The following SRRM1 variants were observed in gnomAD, a reference collection of about 807,000 sequenced individuals.
SRRM1 encodes the protein serine and arginine repetitive matrix 1, also known as serine/arginine repetitive matrix protein 1.
SRRM1 carries 19 observed loss-of-function variants against 110.2 expected under a neutral mutation model. The observed-to-expected ratio is 0.17, with a 90% CI of 0.12 to 0.25. SRRM1 has a LOEUF of 0.25. Ranked by LOEUF, SRRM1 falls within the 10% of genes least tolerant of loss-of-function variation. The pLI is 1.00. For synonymous variants in SRRM1, 443 were observed against 414.9 expected (o/e 1.07, Z -0.82); for missense variants, 918 against 1,145.8 (o/e 0.80, Z 2.87).
At chr1:24,645,929 A>C (rs374176521) in intron 1 of SRRM1, 55 bp from the exon 2 acceptor site, 1 of 1,483,900 alleles carries the variant, frequency 6.7e-7, no homozygotes, top group African/African-American at 1.4e-5. Context: ...GTAGGTGATA[A>C]AAAGTAAGGA....
Position 24,664,831 on chromosome 1 carries a change from A to G in SRRM1, c.1629-1984A>G, listed in dbSNP as rs531674083. Among the ~76,000 whole-genome samples the G allele has an allele frequency of 1.2e-4, 19 of 152,300 alleles. No individual in the cohort carries two copies. The East Asian group carries it at 2.5e-3, about 20-fold the overall frequency. ...AGCACAGCAACTAAACAATTGCTTTACAGAGTTAGATTAGTGGTGCAATTT... is the reference window on the plus strand; with the variant it reads ...AGCACAGCAACTAAACAATTGCTTTGCAGAGTTAGATTAGTGGTGCAATTT... On this transcript the variant is annotated intron_variant, in intron 12 of 16. Transcript: ENST00000323848.
rs752493708 is a variant in SRRM1 at position 24,670,240 on chromosome 1, A to T, written c.2325A>T (p.Ser775=). The T allele has an allele frequency of 6.2e-7, 1 of 1,614,042 alleles. No individual in the cohort carries two copies. Among genetic ancestry groups the T allele is most frequent in the Non-Finnish European group, 8.5e-7 (1 of 1,180,010 alleles). The change falls in exon 15 of 17, where the codon TCA becomes TCT. Residue 775 remains serine, a synonymous_variant. Coordinates refer to ENST00000323848, the MANE Select transcript of SRRM1 (RefSeq NM_005839.4). ...CTCCATCCCCCGTCCAGTCTCAGTC[A>T]CCGTCTACAAACTGGTCACCAGCTG... ...PAPPSPVQSQ[S]PSTNWSPAVP...
At chr1:24,650,114 G>GT in intron 5 of SRRM1, 28 bp downstream of exon 5, 1 of 1,497,142 alleles carries the variant, frequency 6.7e-7, no homozygotes. Flanking sequence ...CATAACTGAT[G>GT]TTTTACAGGT....
chr1:24,664,891 C>T (rs1321636361), intron 12 of SRRM1, among the ~76,000 whole-genome samples: 1 of 151,938 alleles, frequency 6.6e-6, no homozygotes. Context: ...CCCCACCCCC[C>T]CACCAAATTA....
intron 1 of SRRM1, 104 bp downstream of exon 1, chr1:24,643,451 A>G: frequency 1.2e-6 from 1 of 811,258 alleles, no homozygotes. Flanking sequence ...GGAGCTTCGG[A>G]GATCTTAAGG....
chr1:24,649,099 G>A (rs1659085906), intron 4 of SRRM1, 70 bp downstream of exon 4: 1 of 1,387,624 alleles, frequency 7.2e-7, no homozygotes. Context: ...ACCTTAGGTA[G>A]TATATGACTC....
chr1:24,669,811 T>C (rs1671826684), intron 14 of SRRM1: 1 of 571,334 alleles, frequency 1.8e-6, no homozygotes, highest in South Asian at 2.5e-5. Flanking sequence ...TAATTTGTTT[T>C]TGAGGGGTAT....
intron 12 of SRRM1, among the ~76,000 whole-genome samples, chr1:24,666,220 G>A (rs1669923510): frequency 6.6e-6 from 1 of 152,160 alleles, no homozygotes; most frequent in African/African-American, 2.4e-5. Flanking sequence ...GTCATGTCAA[G>A]AATGTTTGGT....
chr1:24,655,228 A>G, intron 9 of SRRM1, 99 bp downstream of exon 9: 1 of 1,314,708 alleles, frequency 7.6e-7, no homozygotes, highest in Non-Finnish European at 1.1e-6. Flanking sequence ...TGAAATAGCT[A>G]GATAATATTT....
chr1:24,657,595 C>T (rs1450989308), intron 9 of SRRM1, among the ~76,000 whole-genome samples: 1 of 152,104 alleles, frequency 6.6e-6, no homozygotes, highest in Non-Finnish European at 1.5e-5. Context: ...GGGCTCTGCT[C>T]TTGATAGTGG....
Position 24,661,464 on chromosome 1 carries a change from A to G in SRRM1, c.1483+68A>G, listed in dbSNP as rs1416299844. Reference sequence around the variant, plus strand: ...ATTAAAAAATACTTGGTATATAAACATCTGTGTGTGCAGCATGAGTACTTA... The same window carrying G: ...ATTAAAAAATACTTGGTATATAAACGTCTGTGTGTGCAGCATGAGTACTTA... On this transcript the variant is annotated intron_variant, in intron 11 of 16. Coordinates refer to ENST00000323848, the MANE Select transcript of SRRM1 (RefSeq NM_005839.4). 3 of 1,122,878 alleles carry G rather than the reference A, an allele frequency of 2.7e-6. No homozygotes were observed. The East Asian group carries it at 7.5e-5, about 28-fold the overall frequency. 69.6% of individuals were successfully genotyped at this position (1,122,878 alleles called of 1,614,324 possible).
rs1370213176 is a variant in SRRM1, at chr1:24,672,826, C to T, written c.*540C>T. 1 of 152,628 alleles carries T rather than the reference C, an allele frequency of 6.6e-6. No homozygotes were observed. Among genetic ancestry groups the T allele is most frequent in the African/African-American group, 2.4e-5 (1 of 41,418 alleles). The allele number at this position is 152,628 out of a possible 1,614,324, so 9.5% of individuals were successfully genotyped here. A position where few individuals can be genotyped will look rare whatever the true frequency, so the allele number is the denominator to read the frequency against. On this transcript the variant is annotated 3_prime_UTR_variant, in exon 17 of 17. Transcript: ENST00000323848. Reference sequence around the variant, plus strand: ...TTTCCTGTTGCCTGTGGAGTCTCTGCTGAAATGAATCAGGATTCGAGCTCT... The same window carrying T: ...TTTCCTGTTGCCTGTGGAGTCTCTGTTGAAATGAATCAGGATTCGAGCTCT...
intron 2 of SRRM1, 41 bp downstream of exon 2, chr1:24,646,114 A>T: frequency 1.4e-6 from 2 of 1,448,084 alleles, no homozygotes; most frequent in Non-Finnish European, 1.9e-6. Context: ...TTTATAGCAC[A>T]CTTACTTGAC....
chr1:24,665,993 T>C (rs1041609026), intron 12 of SRRM1, among the ~76,000 whole-genome samples: 1 of 152,202 alleles, frequency 6.6e-6, no homozygotes, highest in Non-Finnish European at 1.5e-5. Flanking sequence ...CTTGTGACTA[T>C]TGGCATTTTT....
In SRRM1 at chr1:24,667,012, A is replaced by G. The variant is rs1270519555; in HGVS notation, c.1739+87A>G. 4 of 797,418 alleles carry G rather than the reference A, an allele frequency of 5.0e-6. No individual in the cohort carries two copies. The African/African-American group carries it at 5.3e-5, about 11-fold the overall frequency. The allele number at this position is 797,418 out of a possible 1,614,324, so 49.4% of individuals were successfully genotyped here. A position where few individuals can be genotyped will look rare whatever the true frequency, so the allele number is the denominator to read the frequency against. ...AGATGAGTAATGGTGCTCACTTCCT[A>G]ACAAGGTTGGAGAGAGGCACAGCTC... On this transcript the variant is annotated intron_variant, in intron 13 of 16. Coordinates refer to ENST00000323848, the MANE Select transcript of SRRM1 (RefSeq NM_005839.4).
intron 9 of SRRM1, among the ~76,000 whole-genome samples, chr1:24,655,423 C>T (rs1663513591): frequency 6.6e-6 from 1 of 152,136 alleles, no homozygotes; most frequent in South Asian, 2.1e-4. Flanking sequence ...TTTGCGTTGG[C>T]ATGATAAGGG....
chr1:24,671,496 G>T lies in SRRM1; in HGVS notation c.2511G>T (p.Val837=). 6.2e-7 allele frequency: 1 copy of T among 1,612,868 alleles called. No homozygotes were observed. Among genetic ancestry groups the T allele is most frequent in the Non-Finnish European group, 8.5e-7 (1 of 1,179,498 alleles). ...AAAAACACAAGAAGGAAAAGGCTGTGGCTGCAGCTGCTGCAGCTGCTGTGA... is the reference window on the plus strand; with the variant it reads ...AAAAACACAAGAAGGAAAAGGCTGTTGCTGCAGCTGCTGCAGCTGCTGTGA... ...KHKKHKKEKA[V]AAAAAAAVTP... Residue 837 remains valine, a synonymous_variant, in exon 16 of 17, where the codon GTG becomes GTT. Coordinates refer to ENST00000323848, the MANE Select transcript of SRRM1 (RefSeq NM_005839.4).
chr1:24,661,161 G>A (rs1370036365), intron 10 of SRRM1, 149 bp from the exon 11 acceptor site: 8 of 580,172 alleles, frequency 1.4e-5, no homozygotes, highest in Admixed American at 3.1e-5. Context: ...CTGTGAATTG[G>A]CATTTTAAAC....
chr1:24,652,029 A>AATATATATATATATATAT lies in SRRM1; in HGVS notation c.726-388_726-371dup, dbSNP rs1215778545. 8.2e-3 allele frequency among the ~76,000 whole-genome samples: 653 copies of AATATATATATATATATAT among 79,696 alleles called. 13 individuals are homozygous for AATATATATATATATATAT. Among genetic ancestry groups the AATATATATATATATATAT allele is most frequent in the Non-Finnish European group, 0.011 (428 of 39,044 alleles). 52.3% of individuals were successfully genotyped at this position (79,696 alleles called of 152,430 possible). ...ATGGTGAAACTCCATCTGTACTAAA[A>AATATATATATATATATAT]ATATATATATATATATATATATATA... On this transcript the variant is annotated intron_variant, in intron 6 of 16. Coordinates refer to ENST00000323848, the MANE Select transcript of SRRM1 (RefSeq NM_005839.4).
Sources: allele counts gnomAD v4.1 joint callset (sites outside exome capture counted in the v4.1 genomes callset), GRCh38; gene constraint gnomAD v4.1.1; transcripts MANE v1.5; gene names NCBI Gene and HGNC (gene_info 2026-07-23, HGNC 2026-07-21).